CATSPERE: variants seen among roughly 807,000 people sequenced by gnomAD.
The protein encoded by CATSPERE is cation channel sperm-associated auxiliary subunit epsilon.
Under a neutral mutation model 114.1 loss-of-function variants are expected in CATSPERE, and 93 were observed. The ratio of observed to expected loss-of-function variants is 0.81; its 90% CI spans 0.69 to 0.97. The LOEUF (loss-of-function observed/expected upper bound fraction) is 0.97, where lower values mean the gene tolerates loss of function less well. Among genes scored for constraint, CATSPERE ranks in the 50% least tolerant of loss-of-function variants. The pLI is 0.00. For missense variants in CATSPERE, 1,058 were observed against 1,131.6 expected, an observed-to-expected ratio of 0.93 and a Z score of 0.93; for synonymous variants, 341 against 384.1, an observed-to-expected ratio of 0.89 and a Z score of 1.31.
At chr1:244,597,018 C>T (rs751112073) in intron 17 of CATSPERE, among the ~76,000 whole-genome samples, 2 of 152,078 alleles carry the variant, frequency 1.3e-5, no homozygotes, top group African/African-American at 2.4e-5. Context: ...AGGCCTGTCC[C>T]TCCATTTGTA....
Position 244,593,454 on chromosome 1 carries a change from A to T in CATSPERE, c.2223+26A>T, listed in dbSNP as rs760589820. 20 of 1,613,610 alleles carry T rather than the reference A, an allele frequency of 1.2e-5. No individual in the cohort carries two copies. In the African/African-American group the frequency reaches 2.7e-4, roughly 22 times the overall value. ...GTAAGAAAATGATAAAATTCTGTCA[A>T]TGGACCAAATATATAAAATCACTAA... On this transcript the variant is annotated intron_variant, in intron 16 of 21. Transcript: ENST00000366534.
At chr1:244,583,572 G>A (rs1164437737) in intron 12 of CATSPERE, among the ~76,000 whole-genome samples, 1 of 152,140 alleles carries the variant, frequency 6.6e-6, no homozygotes, top group African/African-American at 2.4e-5. Context: ...GAAATAGGGT[G>A]GTTGAAATGC....
chr1:244,455,833 A>G (rs1225741516), intron 1 of CATSPERE, among the ~76,000 whole-genome samples: 3 of 151,916 alleles, frequency 2.0e-5, no homozygotes, highest in Non-Finnish European at 4.4e-5. Context: ...AAACCCCAAG[A>G]ATTAAAAGCA....
intron 2 of CATSPERE, among the ~76,000 whole-genome samples, chr1:244,469,356 A>G (rs28646182): frequency 0.23 from 34,437 of 152,116 alleles, 4,536 homozygotes; most frequent in African/African-American, 0.35. Flanking sequence ...TTATATATCC[A>G]TTACTCAGCT....
intron 17 of CATSPERE, among the ~76,000 whole-genome samples, chr1:244,603,033 G>T (rs1427350206): frequency 1.3e-5 from 2 of 152,066 alleles, no homozygotes; most frequent in African/African-American, 4.8e-5. Flanking sequence ...TTTGAAATTG[G>T]CTACTTTGAA....
upstream of CATSPERE, among the ~76,000 whole-genome samples, chr1:244,453,626 TC>T (rs1181442533): frequency 6.6e-6 from 1 of 152,210 alleles, no homozygotes; most frequent in Non-Finnish European, 1.5e-5. Context: ...GGGGGCTGAC[TC>T]TGGTACTCTC....
intron 8 of CATSPERE, among the ~76,000 whole-genome samples, chr1:244,549,998 A>C (rs900220432): frequency 1.3e-5 from 2 of 152,164 alleles, no homozygotes; most frequent in Admixed American, 1.3e-4. Context: ...TGCAACATCC[A>C]TCTTCTCCTG....
At chr1:244,473,860 A>G (rs1419324810) in intron 2 of CATSPERE, among the ~76,000 whole-genome samples, 3 of 151,978 alleles carry the variant, frequency 2.0e-5, no homozygotes, top group Non-Finnish European at 2.9e-5. Flanking sequence ...GGTGTGTTGT[A>G]TTTACTGTTT....
At chr1:244,603,345 C>T (rs1480737513) in intron 17 of CATSPERE, among the ~76,000 whole-genome samples, 1 of 152,140 alleles carries the variant, frequency 6.6e-6, no homozygotes, top group Non-Finnish European at 1.5e-5. Flanking sequence ...ACAGAGAGGT[C>T]TCTTTCCCAA....
At chr1:244,513,683 A>G (rs1434604565) in intron 7 of CATSPERE, among the ~76,000 whole-genome samples, 1 of 152,042 alleles carries the variant, frequency 6.6e-6, no homozygotes, top group Non-Finnish European at 1.5e-5. Context: ...ATGCTGGGGC[A>G]CTGGTAGTGG....
At chr1:244,529,875 C>T (rs1244899473) in intron 8 of CATSPERE, among the ~76,000 whole-genome samples, 1 of 152,020 alleles carries the variant, frequency 6.6e-6, no homozygotes, top group Non-Finnish European at 1.5e-5. Context: ...CTTTAATTCA[C>T]TTGTTTTTTG....
At chr1:244,564,309 G>A (rs1386419911) in intron 10 of CATSPERE, among the ~76,000 whole-genome samples, 2 of 152,048 alleles carry the variant, frequency 1.3e-5, no homozygotes, top group African/African-American at 2.4e-5. Context: ...TAGTCTGATG[G>A]GGATAGCATT....
intron 4 of CATSPERE, among the ~76,000 whole-genome samples, chr1:244,478,213 A>G (rs1263328143): frequency 6.6e-6 from 1 of 152,180 alleles, no homozygotes; most frequent in African/African-American, 2.4e-5. Context: ...TCTTTTTATT[A>G]CTAAGTATGT....
At chr1:244,626,390 C>T (rs1341937026) in intron 20 of CATSPERE, among the ~76,000 whole-genome samples, 2 of 147,436 alleles carry the variant, frequency 1.4e-5, no homozygotes, top group Admixed American at 1.4e-4. Context: ...GAGGCTGAGG[C>T]AGGAGACTCG....
At chr1:244,485,747 GAGTGCAGT>G (rs980731203) in intron 5 of CATSPERE, among the ~76,000 whole-genome samples, 1 of 149,332 alleles carries the variant, frequency 6.7e-6, no homozygotes, top group African/African-American at 2.5e-5. Context: ...ACCCAGGCTG[GAGTGCAGT>G]AGTGCAATCG....
Position 244,640,133 on chromosome 1 carries a change from A to C in CATSPERE, c.*52A>C. 7.2e-7 allele frequency: 1 copy of C among 1,381,340 alleles called. No individual in the cohort carries two copies. The highest frequency in any genetic ancestry group is 1.0e-6 in the Non-Finnish European group (1 of 1,003,446). The allele number at this position is 1,381,340 out of a possible 1,614,324, so 85.6% of individuals were successfully genotyped here. On this transcript the variant is annotated 3_prime_UTR_variant, in exon 22 of 22. Transcript: ENST00000366534. ...ATATATGCATATAGAGAAACAGTGT[A>C]TTACATAGTGATATTGAGAGTGTGT...
intron 12 of CATSPERE, 57 bp from the exon 13 acceptor site, chr1:244,583,803 AAGAC>A: frequency 6.7e-7 from 1 of 1,486,754 alleles, no homozygotes; most frequent in South Asian, 1.2e-5. Flanking sequence ...GCTCTACAGA[AAGAC>A]AGTGTCATGC....
intron 18 of CATSPERE, among the ~76,000 whole-genome samples, chr1:244,608,687 T>C (rs1369472055): frequency 6.6e-6 from 1 of 152,294 alleles, no homozygotes; most frequent in East Asian, 1.9e-4. Flanking sequence ...AACCCTCTGC[T>C]TTCTCCTTCT....
At chr1:244,624,571 C>T (rs558467413) in intron 20 of CATSPERE, among the ~76,000 whole-genome samples, 56 of 152,132 alleles carry the variant, frequency 3.7e-4, no homozygotes, top group African/African-American at 1.2e-3. Flanking sequence ...GAGTCACAGG[C>T]GGGTGGATCA....
Sources: allele counts gnomAD v4.1 joint callset (sites outside exome capture counted in the v4.1 genomes callset), GRCh38; gene constraint gnomAD v4.1.1; transcripts MANE v1.5; gene names NCBI Gene and HGNC (gene_info 2026-07-23, HGNC 2026-07-21).